Variants in KHDRBS2 observed in about 807,000 individuals in gnomAD.
KHDRBS2 encodes KH domain-containing, RNA-binding, signal transduction-associated protein 2.
KHDRBS2 carries 26 observed loss-of-function variants against 44.3 expected under a neutral mutation model. That is an observed-to-expected ratio of 0.59 (90% CI 0.43 to 0.81). The LOEUF (loss-of-function observed/expected upper bound fraction) is 0.81. KHDRBS2 is among the 40% of genes least tolerant of loss of function. KHDRBS2 has a pLI of 0.00. For missense variants in KHDRBS2, 476 were observed against 433.1 expected (o/e 1.10, Z -0.88); for synonymous variants, 194 against 151.1 (o/e 1.28, Z -2.08).
At chr6:62,111,073 C>T (rs987374207) in intron 2 of KHDRBS2, among the ~76,000 whole-genome samples, 1 of 152,012 alleles carries the variant, frequency 6.6e-6, no homozygotes, top group Non-Finnish European at 1.5e-5. Context: ...TAACTTGTAA[C>T]AACCAAGTTT....
At chr6:61,809,563 T>TA (rs934244456) in intron 6 of KHDRBS2, among the ~76,000 whole-genome samples, 6 of 151,896 alleles carry the variant, frequency 4.0e-5, no homozygotes, top group Non-Finnish European at 5.9e-5. Context: ...GTCAAATCAA[T>TA]AAAAAAAACC....
chr6:61,990,706 CTTT>C (rs71770267), intron 3 of KHDRBS2, among the ~76,000 whole-genome samples: 2 of 145,664 alleles, frequency 1.4e-5, no homozygotes, highest in African/African-American at 2.5e-5. Context: ...ATTGGATAAC[CTTT>C]TTTTTTTTTT....
chr6:61,596,692 AC>A, the KHDRBS2 span, among the ~76,000 whole-genome samples: 1 of 152,028 alleles, frequency 6.6e-6, no homozygotes, highest in Non-Finnish European at 1.5e-5. Context: ...TCACACTGTC[AC>A]CAGGCTGGAG....
the KHDRBS2 span, among the ~76,000 whole-genome samples, chr6:61,563,627 A>G: frequency 6.6e-6 from 1 of 152,124 alleles, no homozygotes; most frequent in Non-Finnish European, 1.5e-5. Flanking sequence ...ATATGGATTT[A>G]TAGGAATCAA....
intron 1 of KHDRBS2, among the ~76,000 whole-genome samples, chr6:62,193,526 A>G (rs951488480): frequency 5.9e-5 from 9 of 152,076 alleles, no homozygotes; most frequent in Admixed American, 5.9e-4. Context: ...GTGATTTTTA[A>G]TCTCTAGGAA....
the KHDRBS2 span, among the ~76,000 whole-genome samples, chr6:61,616,125 G>C: frequency 6.6e-6 from 1 of 152,212 alleles, no homozygotes; most frequent in African/African-American, 2.4e-5. Flanking sequence ...ATAGACAAAC[G>C]TTTATGTTCC....
chr6:62,169,785 C>G (rs1012977317), intron 2 of KHDRBS2, among the ~76,000 whole-genome samples: 7 of 152,040 alleles, frequency 4.6e-5, no homozygotes, highest in Admixed American at 2.6e-4. Context: ...AGGTAAGTCT[C>G]AAGTCCACAG....
At chr6:62,284,889 A>C (rs570034078) in intron 1 of KHDRBS2, among the ~76,000 whole-genome samples, 1 of 152,302 alleles carries the variant, frequency 6.6e-6, no homozygotes, top group East Asian at 1.9e-4. Context: ...TATCCGTTTT[A>C]GTTTTTTGCT....
At chr6:62,071,486 A>T (rs894820841) in intron 2 of KHDRBS2, among the ~76,000 whole-genome samples, 1 of 152,184 alleles carries the variant, frequency 6.6e-6, no homozygotes, top group African/African-American at 2.4e-5. Context: ...CTAACATTTA[A>T]GTCTTTAATC....
chr6:62,068,972 A>G (rs1329541779), intron 2 of KHDRBS2, among the ~76,000 whole-genome samples: 2 of 151,588 alleles, frequency 1.3e-5, no homozygotes, highest in African/African-American at 4.8e-5. Flanking sequence ...TGTTTTGGCT[A>G]TTTATATTTC....
At chr6:62,245,258 T>A (rs1835354162) in intron 1 of KHDRBS2, among the ~76,000 whole-genome samples, 1 of 152,138 alleles carries the variant, frequency 6.6e-6, no homozygotes, top group Non-Finnish European at 1.5e-5. Context: ...CTTTCCAGTA[T>A]TTTAATCTCA....
At chr6:61,544,694 T>C in the KHDRBS2 span, among the ~76,000 whole-genome samples, 1 of 152,010 alleles carries the variant, frequency 6.6e-6, no homozygotes, top group Non-Finnish European at 1.5e-5. Context: ...TGAGTTAGAA[T>C]GATAGACTGG....
At chr6:61,816,580 A>C in intron 6 of KHDRBS2, 1 of 445,518 alleles carries the variant, frequency 2.2e-6, no homozygotes. Context: ...CAGAACTATG[A>C]GAAAAATAAA....
the KHDRBS2 span, among the ~76,000 whole-genome samples, chr6:61,589,332 C>A: frequency 2.0e-5 from 3 of 152,092 alleles, no homozygotes; most frequent in Non-Finnish European, 2.9e-5. Context: ...TAGCTTTGAC[C>A]TTTTAGATTC....
intron 4 of KHDRBS2, among the ~76,000 whole-genome samples, chr6:61,967,836 C>G (rs1295168565): frequency 1.5e-5 from 2 of 132,484 alleles, no homozygotes; most frequent in Admixed American, 8.0e-5. Flanking sequence ...TTTTCTCTCT[C>G]TCTCAATACA....
At chr6:62,186,671 T>A (rs1823490767) in intron 1 of KHDRBS2, among the ~76,000 whole-genome samples, 1 of 151,982 alleles carries the variant, frequency 6.6e-6, no homozygotes, top group Non-Finnish European at 1.5e-5. Context: ...GCTGAAACTA[T>A]CATCAAAAAA....
chr6:61,870,461 G>A (rs1468743595), intron 6 of KHDRBS2, among the ~76,000 whole-genome samples: 3 of 152,166 alleles, frequency 2.0e-5, no homozygotes, highest in Admixed American at 1.3e-4. Context: ...GGCTGTGGGT[G>A]CAGCTTCAGC....
At chr6:61,774,360 C>T (rs901020820) in intron 6 of KHDRBS2, among the ~76,000 whole-genome samples, 1 of 151,922 alleles carries the variant, frequency 6.6e-6, no homozygotes, top group Admixed American at 6.6e-5. Flanking sequence ...AATCATGTCC[C>T]TGTTTGCCGA....
intron 2 of KHDRBS2, among the ~76,000 whole-genome samples, chr6:62,117,986 C>T (rs753823574): frequency 1.2e-4 from 18 of 151,950 alleles, no homozygotes; most frequent in African/African-American, 3.4e-4. Flanking sequence ...ACGTTGGCCA[C>T]GCTGGTCTTG....
Sources: allele counts gnomAD v4.1 joint callset (sites outside exome capture counted in the v4.1 genomes callset), GRCh38; gene constraint gnomAD v4.1.1; transcripts MANE v1.5; gene names NCBI Gene and HGNC (gene_info 2026-07-23, HGNC 2026-07-21).